DDHD1: variants seen among roughly 807,000 people sequenced by gnomAD.
DDHD1 encodes the protein DDHD domain containing 1.
A neutral mutation model predicts 96.4 loss-of-function variants in DDHD1; 49 were observed. That is an observed-to-expected ratio of 0.51 (90% CI 0.40 to 0.64). DDHD1 has a LOEUF of 0.64. DDHD1 is among the 30% of genes least tolerant of loss of function. The pLI, the probability that DDHD1 is intolerant of heterozygous loss-of-function variation, is 0.00. For missense variants in DDHD1, 1,106 were observed against 1,161.2 expected, an observed-to-expected ratio of 0.95 and a Z score of 0.69; for synonymous variants, 442 against 446.5, an observed-to-expected ratio of 0.99 and a Z score of 0.13.
At chr14:53,051,533 AC>A (rs1279194618) in intron 12 of DDHD1, among the ~76,000 whole-genome samples, 3 of 151,956 alleles carry the variant, frequency 2.0e-5, no homozygotes, top group Admixed American at 6.6e-5. Context: ...GAAATAGCAA[AC>A]CTCTTTGGAG....
rs200233648 is a variant in DDHD1 at position 53,152,399 on chromosome 14, C to T, written c.700G>A (p.Ala234Thr). The change falls in exon 1 of 13, where the codon GCC becomes ACC. Residue 234 changes from alanine to threonine, a missense_variant. Ala to Thr is a moderately conservative substitution (Grantham distance 58). This residue lies in a region of DDHD1 where 456 missense variants were observed against 402.4 expected (regional missense o/e 1.13). Coordinates refer to ENST00000673822, the MANE Select transcript of DDHD1 (RefSeq NM_001160148.2). ...SSGEDDDEDR[A>T]CGFCQSTTGH... The stretch of plus-strand genomic sequence containing the variant: ...GTCGTACTCTGGCAGAAGCCGCAGG[C>T]GCGGTCCTCATCGTCATCTTCTCCG... The T allele has an allele frequency of 4.1e-5, 66 of 1,613,932 alleles. No individual in the cohort carries two copies. In the East Asian group the frequency reaches 1.4e-3, roughly 35 times the overall value.
At chr14:53,073,562 T>G in intron 5 of DDHD1, among the ~76,000 whole-genome samples, 179 bp downstream of exon 5, 1 of 152,212 alleles carries the variant, frequency 6.6e-6, no homozygotes, top group East Asian at 1.9e-4. Context: ...AGTATAATTA[T>G]TCTAGAAATC....
At chr14:53,124,692 C>T (rs1282311013) in intron 1 of DDHD1, among the ~76,000 whole-genome samples, 1 of 152,114 alleles carries the variant, frequency 6.6e-6, no homozygotes, top group Non-Finnish European at 1.5e-5. Flanking sequence ...AGAAACAAGG[C>T]TGTAAGGGTT....
At chr14:53,091,426 T>A (rs1172174411) in intron 4 of DDHD1, among the ~76,000 whole-genome samples, 1 of 152,232 alleles carries the variant, frequency 6.6e-6, no homozygotes. Flanking sequence ...TTTAGAGTTG[T>A]GCAGCTTTGC....
intron 2 of DDHD1, chr14:53,096,019 A>C (rs1886856041): frequency 1.8e-6 from 1 of 564,938 alleles, no homozygotes; most frequent in Non-Finnish European, 2.2e-6. Context: ...CAATGGACAC[A>C]TTTAAAAAAA....
At chr14:53,051,965 C>A in intron 11 of DDHD1, 38 bp from the exon 12 acceptor site, 1 of 1,509,452 alleles carries the variant, frequency 6.6e-7, no homozygotes, top group Non-Finnish European at 9.0e-7. Flanking sequence ...AAAGGGTTGG[C>A]TGATGATTAA....
At chr14:53,124,615 T>C (rs1006180483) in intron 1 of DDHD1, among the ~76,000 whole-genome samples, 4 of 152,132 alleles carry the variant, frequency 2.6e-5, no homozygotes, top group African/African-American at 7.2e-5. Flanking sequence ...ACAAACCACT[T>C]TGATAGAGGT....
chr14:53,083,913 G>A (rs1291114233), intron 4 of DDHD1, among the ~76,000 whole-genome samples: 3 of 151,262 alleles, frequency 2.0e-5, no homozygotes, highest in African/African-American at 4.9e-5. Context: ...GGACACTTGG[G>A]TTTTTTTTTG....
intron 6 of DDHD1, among the ~76,000 whole-genome samples, chr14:53,070,011 A>T (rs375469237): frequency 6.6e-6 from 1 of 152,130 alleles, no homozygotes; most frequent in Non-Finnish European, 1.5e-5. Context: ...GAGGATAGTT[A>T]TCTTTCCACA....
At chr14:53,102,006 G>T (rs1887336440) in intron 2 of DDHD1, among the ~76,000 whole-genome samples, 1 of 151,782 alleles carries the variant, frequency 6.6e-6, no homozygotes, top group African/African-American at 2.4e-5. Context: ...CAAGCTCCTG[G>T]ATTTTTTTCA....
intron 1 of DDHD1, among the ~76,000 whole-genome samples, chr14:53,105,275 A>G (rs979338027): frequency 6.6e-6 from 1 of 152,060 alleles, no homozygotes; most frequent in African/African-American, 2.4e-5. Flanking sequence ...ATTTCCCATT[A>G]AAAGAAACCA....
rs901024230 is a variant in DDHD1 at position 53,123,155 on chromosome 14, T to C, written c.839-19299A>G. 3.0e-5 allele frequency among the ~76,000 whole-genome samples: 4 copies of C among 135,262 alleles called. No homozygotes were observed. In the East Asian group the frequency reaches 9.0e-4, roughly 30 times the overall value. 88.7% of individuals were successfully genotyped at this position (135,262 alleles called of 152,430 possible). A position where few individuals can be genotyped will look rare whatever the true frequency, so the allele number is the denominator to read the frequency against. On this transcript the variant is annotated intron_variant, in intron 1 of 12. Coordinates refer to ENST00000673822, the MANE Select transcript of DDHD1 (RefSeq NM_001160148.2). ...ATTATTATTATTATTATTATTATTA[T>C]TATTATTTTGAGATGGAGTATTACT...
intron 1 of DDHD1, among the ~76,000 whole-genome samples, chr14:53,123,423 T>C (rs900994691): frequency 6.6e-6 from 1 of 151,848 alleles, no homozygotes; most frequent in Non-Finnish European, 1.5e-5. Flanking sequence ...GCTGGGATTA[T>C]AGGCATGAGC....
At position 53,038,701 on chromosome 14, in the gene DDHD1, G is replaced by T. The variant is rs769816509; in HGVS notation, c.*8067C>A. On this transcript the variant is annotated 3_prime_UTR_variant, in exon 13 of 13. Transcript: ENST00000673822. ...TAGAAAACAACTATTCTAAAATTCA[G>T]ATGGAACCAAAGAAAGAGCCTGAAT... 1.3e-5 allele frequency: 2 copies of T among 152,094 alleles called. No individual in the cohort carries two copies. The highest frequency in any genetic ancestry group is 2.9e-5 in the Non-Finnish European group (2 of 68,000). The allele number at this position is 152,094 out of a possible 1,614,324, so 9.4% of individuals were successfully genotyped here. A position where few individuals can be genotyped will look rare whatever the true frequency, so the allele number is the denominator to read the frequency against.
At chr14:53,122,624 C>T in intron 1 of DDHD1, among the ~76,000 whole-genome samples, 1 of 148,820 alleles carries the variant, frequency 6.7e-6, no homozygotes, top group Non-Finnish European at 1.5e-5. Flanking sequence ...ATTGCCCAGG[C>T]TGGAGTGCAG....
chr14:53,130,432 A>T (rs1171552673), intron 1 of DDHD1, among the ~76,000 whole-genome samples: 1 of 152,208 alleles, frequency 6.6e-6, no homozygotes, highest in Non-Finnish European at 1.5e-5. Flanking sequence ...CTAGACCCAG[A>T]GGGGCCAGAA....
intron 4 of DDHD1, among the ~76,000 whole-genome samples, chr14:53,081,247 C>T (rs372224843): frequency 1.3e-5 from 2 of 152,162 alleles, no homozygotes; most frequent in Non-Finnish European, 2.9e-5. Flanking sequence ...GATAAGTAAT[C>T]GCATAAACAT....
intron 4 of DDHD1, among the ~76,000 whole-genome samples, chr14:53,084,304 T>C (rs560357056): frequency 1.3e-5 from 2 of 152,314 alleles, no homozygotes; most frequent in Admixed American, 1.3e-4. Context: ...CCTAGACTCC[T>C]CAGTTTTATG....
chr14:53,095,226 G>T (rs932758638), intron 2 of DDHD1, among the ~76,000 whole-genome samples: 2 of 152,018 alleles, frequency 1.3e-5, no homozygotes, highest in Non-Finnish European at 2.9e-5. Context: ...CACTATGCTT[G>T]ATTTATTTTC....
Sources: allele counts gnomAD v4.1 joint callset (sites outside exome capture counted in the v4.1 genomes callset), GRCh38; gene constraint gnomAD v4.1.1; regional missense constraint gnomAD v4.1.1; transcripts MANE v1.5; gene names NCBI Gene and HGNC (gene_info 2026-07-23, HGNC 2026-07-21).